Variants in ARFGEF2 observed in about 807,000 individuals in gnomAD.
ARFGEF2 encodes ARF guanine nucleotide exchange factor 2.
A neutral mutation model predicts 219.9 loss-of-function variants in ARFGEF2; 74 were observed. That is an observed-to-expected ratio of 0.34 (90% CI 0.28 to 0.41). The LOEUF (loss-of-function observed/expected upper bound fraction) is 0.41. Ranked by LOEUF, ARFGEF2 falls within the 10% of genes least tolerant of loss-of-function variation. The pLI is 1.00. For missense variants in ARFGEF2, 1,743 were observed against 2,218.3 expected, an observed-to-expected ratio of 0.79 and a Z score of 4.30; for synonymous variants, 733 against 799.2, an observed-to-expected ratio of 0.92 and a Z score of 1.40.
In ARFGEF2 at chr20:48,976,935, CATTTTATTTTATTTTATTTT is replaced by C. The variant is rs59427522; in HGVS notation, c.1958+764_1958+783del. Among the ~76,000 whole-genome samples the C allele has an allele frequency of 2.7e-3, 397 of 146,498 alleles. 3 individuals are homozygous for C. The highest frequency in any genetic ancestry group is 8.7e-3 in the African/African-American group (341 of 39,174). ...GTCTTATTTGTTTTATTTTTTTAGGCATTTTATTTTATTTTATTTTATTTTATTTTATTTTATTTTATTTT... is the reference window on the plus strand; with the variant it reads ...GTCTTATTTGTTTTATTTTTTTAGGCATTTTATTTTATTTTATTTTATTTT... On this transcript the variant is annotated intron_variant, in intron 14 of 38. Coordinates refer to ENST00000371917, the MANE Select transcript of ARFGEF2 (RefSeq NM_006420.3).
In ARFGEF2 at chr20:48,965,863, T is replaced by G; in HGVS notation, c.908-9T>G. The G allele has an allele frequency of 6.2e-7, 1 of 1,614,158 alleles. No homozygotes were observed. Among genetic ancestry groups the G allele is most frequent in the Non-Finnish European group, 8.5e-7 (1 of 1,180,006 alleles). ...TAATTTGGCTATGACTTTGTACTTG[T>G]GTTTTAAGAAGCAGCGGAAAAGCAT... On this transcript the variant is annotated splice_polypyrimidine_tract_variant and intron_variant, in intron 7 of 38. Transcript: ENST00000371917.
intron 25 of ARFGEF2, among the ~76,000 whole-genome samples, chr20:49,002,822 T>C (rs569950247): frequency 4.0e-5 from 6 of 151,890 alleles, no homozygotes; most frequent in Admixed American, 1.3e-4. Context: ...TTTTTTGTAT[T>C]TTTAGTAGAG....
chr20:49,016,510 G>T, intron 31 of ARFGEF2, 95 bp downstream of exon 31: 1 of 1,351,084 alleles, frequency 7.4e-7, no homozygotes, highest in East Asian at 2.3e-5. Context: ...TAGTGCCATG[G>T]AGTACAATAT....
chr20:48,924,942 TTTA>T (rs1240124970), intron 1 of ARFGEF2, among the ~76,000 whole-genome samples: 5 of 152,338 alleles, frequency 3.3e-5, no homozygotes, highest in Admixed American at 2.0e-4. Flanking sequence ...CTATTACTTT[TTTA>T]TTATTATTAT....
chr20:49,015,269 A>G (rs1372141606), intron 30 of ARFGEF2, among the ~76,000 whole-genome samples: 1 of 152,020 alleles, frequency 6.6e-6, no homozygotes, highest in Non-Finnish European at 1.5e-5. Context: ...TAATGCCACC[A>G]TGTCCAGGTA....
At chr20:48,995,203 G>C (rs748735692) in intron 22 of ARFGEF2, among the ~76,000 whole-genome samples, 41 of 152,192 alleles carry the variant, frequency 2.7e-4, no homozygotes, top group Non-Finnish European at 1.2e-4. Flanking sequence ...CTGAGGCACG[G>C]AGTGAAAAGA....
At chr20:48,952,620 C>G in intron 4 of ARFGEF2, 85 bp from the exon 5 acceptor site, 1 of 1,366,618 alleles carries the variant, frequency 7.3e-7, no homozygotes, top group Non-Finnish European at 1.0e-6. Flanking sequence ...AAAACAAAAC[C>G]AGACCCTCTA....
Position 49,011,927 on chromosome 20 carries a change from C to T in ARFGEF2, c.3761C>T (p.Thr1254Ile), listed in dbSNP as rs766010319. 6.2e-7 allele frequency: 1 copy of T among 1,614,194 alleles called. No individual in the cohort carries two copies. Among genetic ancestry groups the T allele is most frequent in the Non-Finnish European group, 8.5e-7 (1 of 1,180,040 alleles). ...AATGTGCCTTGTGTTCCCCCAGCAA[C>T]TATTTTCCAGCACCATTTTCCTGCA... is the stretch of plus-strand genomic sequence containing the variant. Reference protein sequence around the residue: ...AFQTTCHIVTTIFQHHFPAAI... With the variant: ...AFQTTCHIVTIIFQHHFPAAI... Residue 1254 changes from threonine to isoleucine, a missense_variant, in exon 28 of 39, where the codon ACT becomes ATT. This residue lies in a region of ARFGEF2 where 578 missense variants were observed against 664.0 expected (regional missense o/e 0.87). Coordinates refer to ENST00000371917, the MANE Select transcript of ARFGEF2 (RefSeq NM_006420.3).
intron 14 of ARFGEF2, among the ~76,000 whole-genome samples, chr20:48,978,353 T>C (rs1026887572): frequency 6.6e-6 from 1 of 152,224 alleles, no homozygotes; most frequent in African/African-American, 2.4e-5. Flanking sequence ...TTGGTACCAG[T>C]ACCATGCTGT....
At chr20:49,015,987 TTTA>T (rs2091527647) in intron 30 of ARFGEF2, among the ~76,000 whole-genome samples, 2 of 152,354 alleles carry the variant, frequency 1.3e-5, no homozygotes, top group African/African-American at 4.8e-5. Flanking sequence ...ATTTGCCCAC[TTTA>T]TTATTTCCTT....
rs1361898202 is a variant in ARFGEF2, at chr20:48,994,548, G to C, written c.3071G>C (p.Ser1024Thr). The C allele has an allele frequency of 1.9e-6, 3 of 1,614,122 alleles. No homozygotes were observed. The highest frequency in any genetic ancestry group is 2.2e-5 in the East Asian group (1 of 44,882). The part of the protein sequence containing the change: ...LSGSGREREG[S>T]LKGHTLAGEE... ...GGATCTGGGCGTGAAAGAGAAGGGA[G>C]CCTGAAGGGCCACACATTGGCAGGA... Residue 1024 changes from serine (S) to threonine (T), a missense_variant, in exon 22 of 39, where the codon AGC (serine) becomes ACC (threonine). Physicochemically the swap from Ser to Thr is moderately conservative, Grantham distance 58 (BLOSUM62 1). This residue lies in a region of ARFGEF2 where 666 missense variants were observed against 955.4 expected (regional missense o/e 0.70). Coordinates refer to ENST00000371917, the MANE Select transcript of ARFGEF2 (RefSeq NM_006420.3).
intron 8 of ARFGEF2, among the ~76,000 whole-genome samples, chr20:48,967,555 A>G (rs1479244480): frequency 6.6e-6 from 1 of 152,250 alleles, no homozygotes; most frequent in Non-Finnish European, 1.5e-5. Flanking sequence ...GCTTGAGCCC[A>G]GAAGTCTAGC....
At chr20:48,993,202 G>C (rs950129339) in intron 21 of ARFGEF2, among the ~76,000 whole-genome samples, 1 of 152,182 alleles carries the variant, frequency 6.6e-6, no homozygotes, top group Admixed American at 6.5e-5. Flanking sequence ...TGAGGTTCCT[G>C]CTGCCAGCCA....
At chr20:48,940,586 T>TAAGA (rs1240125777) in intron 1 of ARFGEF2, among the ~76,000 whole-genome samples, 1 of 152,342 alleles carries the variant, frequency 6.6e-6, no homozygotes, top group East Asian at 1.9e-4. Flanking sequence ...AAGAAACAGG[T>TAAGA]AAGAACGTGG....
intron 12 of ARFGEF2, among the ~76,000 whole-genome samples, chr20:48,973,769 T>G (rs986721998): frequency 1.6e-4 from 24 of 152,168 alleles, no homozygotes; most frequent in Admixed American, 1.3e-4. Context: ...CCGAGCTCCC[T>G]GGAATTGTGT....
intron 6 of ARFGEF2, among the ~76,000 whole-genome samples, chr20:48,960,546 C>G (rs986368809): frequency 2.6e-5 from 4 of 151,624 alleles, no homozygotes; most frequent in African/African-American, 9.7e-5. Flanking sequence ...TGCAGTGGCA[C>G]GATCACTGCT....
chr20:48,995,708 T>G lies in ARFGEF2; in HGVS notation c.3122-75T>G. Reference sequence around the variant, plus strand: ...ATTTATGTCCCCTGTCCCTGCGTGTTGACATAACAGGATGCTTTGTTCTAA... The same window carrying G: ...ATTTATGTCCCCTGTCCCTGCGTGTGGACATAACAGGATGCTTTGTTCTAA... On this transcript the variant is annotated intron_variant, in intron 22 of 38. Transcript: ENST00000371917. The G allele has an allele frequency of 8.6e-6, 11 of 1,274,838 alleles. No individual in the cohort carries two copies. In the South Asian group the frequency reaches 1.3e-4, roughly 15 times the overall value. The allele number at this position is 1,274,838 out of a possible 1,614,324, so 79.0% of individuals were successfully genotyped here.
chr20:48,982,299 G>T (rs1434391272), intron 14 of ARFGEF2, among the ~76,000 whole-genome samples: 11 of 152,144 alleles, frequency 7.2e-5, no homozygotes, highest in Admixed American at 2.6e-4. Context: ...GTTTGCCTGG[G>T]TATCACCAGC....
At chr20:48,962,939 T>C (rs947686363) in intron 6 of ARFGEF2, among the ~76,000 whole-genome samples, 1 of 152,136 alleles carries the variant, frequency 6.6e-6, no homozygotes, top group African/African-American at 2.4e-5. Context: ...CCAGGTACAA[T>C]GGCTCACGCT....
Sources: gnomAD v4.1 joint callset for allele counts (sites outside exome capture counted in the v4.1 genomes callset) on GRCh38, gnomAD v4.1.1 for gene constraint, gnomAD v4.1.1 regional missense constraint, MANE v1.5 for transcripts, NCBI Gene and HGNC (gene_info 2026-07-23, HGNC 2026-07-21) for gene names.